Variants in MCRIP1 observed in about 807,000 individuals in gnomAD.
The protein encoded by MCRIP1 is MAPK regulated corepressor interacting protein 1.
MCRIP1 carries 10 observed loss-of-function variants against 14.4 expected under a neutral mutation model. The observed-to-expected ratio is 0.70, with a 90% CI of 0.43 to 1.18. The LOEUF (loss-of-function observed/expected upper bound fraction) is 1.18. Ranked by LOEUF, MCRIP1 falls within the 50% of genes most tolerant of loss-of-function variation. The pLI is 0.00. For synonymous variants in MCRIP1, 53 were observed against 55.7 expected, an observed-to-expected ratio of 0.95 and a Z score of 0.21; for missense variants, 119 against 135.4, an observed-to-expected ratio of 0.88 and a Z score of 0.60.
chr17:81,828,273 C>G (rs745834820), intron 1 of MCRIP1, among the ~76,000 whole-genome samples: 19 of 149,238 alleles, frequency 1.3e-4, no homozygotes, highest in Admixed American at 3.3e-4. Context: ...CCCCCCACCC[C>G]CCGACCCTGC....
chr17:81,832,834 C>G (rs953281952), intron 1 of MCRIP1, among the ~76,000 whole-genome samples: 1 of 152,208 alleles, frequency 6.6e-6, no homozygotes, highest in African/African-American at 2.4e-5. Flanking sequence ...CGCGGCGCTC[C>G]GAGAATCGGA....
chr17:81,825,620 A>C, intron 1 of MCRIP1: 1 of 1,289,330 alleles, frequency 7.8e-7, no homozygotes, highest in Non-Finnish European at 1.0e-6. Flanking sequence ...CAGCCCTCAA[A>C]CACCACGTGA....
chr17:81,825,068 G>A (rs2143213033), intron 1 of MCRIP1: 1 of 1,016,844 alleles, frequency 9.8e-7, no homozygotes, highest in Non-Finnish European at 1.2e-6. Context: ...CTTCCTAAAG[G>A]TGATCCCAGC....
intron 1 of MCRIP1, among the ~76,000 whole-genome samples, chr17:81,829,951 G>GT (rs1331436222): frequency 6.6e-5 from 10 of 152,224 alleles, no homozygotes; most frequent in Non-Finnish European, 1.2e-4. Flanking sequence ...GTCCCAACTT[G>GT]TTTTACCAGG....
chr17:81,822,782 CG>C lies in MCRIP1; in HGVS notation c.*464del. 1 of 214,356 alleles carries C rather than the reference CG, an allele frequency of 4.7e-6. No individual in the cohort carries two copies. The highest frequency in any genetic ancestry group is 9.4e-6 in the Non-Finnish European group (1 of 105,886). 13.3% of individuals were successfully genotyped at this position (214,356 alleles called of 1,614,324 possible). On this transcript the variant is annotated 3_prime_UTR_variant, in exon 5 of 5. Coordinates refer to ENST00000455127, the MANE Select transcript of MCRIP1 (RefSeq NM_207368.5). ...AGGCCACGGGAGCAGCAAGGGTCTG[CG>C]GGGAGCCCAGGCTGGATGGGGTGGG...
chr17:81,831,879 T>A (rs1156378691), intron 1 of MCRIP1, among the ~76,000 whole-genome samples: 1 of 152,052 alleles, frequency 6.6e-6, no homozygotes, highest in Non-Finnish European at 1.5e-5. Context: ...AGACTGGCCC[T>A]CCCTCCAGAT....
intron 1 of MCRIP1, chr17:81,825,580 T>G: frequency 3.1e-6 from 4 of 1,289,248 alleles, no homozygotes; most frequent in Non-Finnish European, 4.0e-6. Flanking sequence ...TCGAGTCCTC[T>G]CTGGCTCATT....
intron 1 of MCRIP1, among the ~76,000 whole-genome samples, chr17:81,832,033 C>G (rs983222605): frequency 1.3e-5 from 2 of 152,190 alleles, no homozygotes; most frequent in African/African-American, 4.8e-5. Flanking sequence ...CACACAGCCA[C>G]ATGCCTAAGA....
At chr17:81,827,860 A>T (rs2038441554) in intron 1 of MCRIP1, among the ~76,000 whole-genome samples, 1 of 141,578 alleles carries the variant, frequency 7.1e-6, no homozygotes, top group Non-Finnish European at 1.5e-5. Context: ...GGCTCACTGC[A>T]AGCTCCGCCT....
Position 81,824,384 on chromosome 17 carries a change from C to A in MCRIP1, c.30G>T (p.Val10=). The change falls in exon 3 of 5, where the codon GTG becomes GTT. Residue 10 remains valine (V), a synonymous_variant. Transcript: ENST00000455127. MTSSPVSRV[V]YNGKRTSSPR... Reference sequence around the variant, plus strand: ...GGCTGCTGGTCCTCTTGCCGTTGTACACGACTCTGGAGACGGGGGAGCTGG... The same window carrying A: ...GGCTGCTGGTCCTCTTGCCGTTGTAAACGACTCTGGAGACGGGGGAGCTGG... 6.5e-7 allele frequency: 1 copy of A among 1,535,926 alleles called. No individual in the cohort carries two copies. The highest frequency in any genetic ancestry group is 8.7e-7 in the Non-Finnish European group (1 of 1,146,360).
rs761790909 is a variant in MCRIP1, at chr17:81,823,563, G to A, written c.128-50C>T. 7.4e-5 allele frequency: 108 copies of A among 1,460,378 alleles called. No individual in the cohort carries two copies. In the African/African-American group the frequency reaches 9.2e-4, roughly 12 times the overall value. The allele number at this position is 1,460,378 out of a possible 1,614,324, so 90.5% of individuals were successfully genotyped here. On this transcript the variant is annotated intron_variant, in intron 3 of 4. Coordinates refer to ENST00000455127, the MANE Select transcript of MCRIP1 (RefSeq NM_207368.5). The surrounding 1 kb of genome is among the most constrained non-coding windows in gnomAD (Gnocchi z 6.0). Reference sequence around the variant, plus strand: ...TCAGGGCCCCCTGCCCCAGGGGGTGGCATCCACGTCACGAGAGTGCCTGCC... The same window carrying A: ...TCAGGGCCCCCTGCCCCAGGGGGTGACATCCACGTCACGAGAGTGCCTGCC...
intron 1 of MCRIP1, among the ~76,000 whole-genome samples, chr17:81,832,973 C>T (rs1189810098): frequency 6.6e-6 from 1 of 152,032 alleles, no homozygotes; most frequent in Non-Finnish European, 1.5e-5. Flanking sequence ...GCACCTGCCC[C>T]TGCCTGGGCG....
Position 81,825,088 on chromosome 17 carries a change from C to T in MCRIP1, c.-48-534G>A, listed in dbSNP as rs888554311. On this transcript the variant is annotated intron_variant, in intron 1 of 4. Coordinates refer to ENST00000455127, the MANE Select transcript of MCRIP1 (RefSeq NM_207368.5). ...TAAAGGTGATCCCAGCTCCCCGGCA[C>T]CTACCCAGGTCCAGCTTCCTGGTTC... 51 of 1,013,846 alleles carry T rather than the reference C, an allele frequency of 5.0e-5. No individual in the cohort carries two copies. The African/African-American group carries it at 8.5e-4, about 17-fold the overall frequency. The allele number at this position is 1,013,846 out of a possible 1,614,324, so 62.8% of individuals were successfully genotyped here.
In MCRIP1 at chr17:81,824,537, G is replaced by A. The variant is rs148964163; in HGVS notation, c.-31C>T. ...GGGCGTCTGATCCTAGCGCTCCACC[G>A]CCAGATCCCCTCAGCCTCTGAAACA... On this transcript the variant is annotated 5_prime_UTR_variant, in exon 2 of 5. Coordinates refer to ENST00000455127, the MANE Select transcript of MCRIP1 (RefSeq NM_207368.5). 3,100 of 1,535,934 alleles carry A rather than the reference G, an allele frequency of 2.0e-3. 5 individuals carry two copies. Among genetic ancestry groups the A allele is most frequent in the Non-Finnish European group, 2.4e-3 (2,808 of 1,146,736 alleles).
chr17:81,826,737 T>G lies in MCRIP1; in HGVS notation c.-48-2183A>C, dbSNP rs1210453059. 22 of 230,928 alleles carry G rather than the reference T, an allele frequency of 9.5e-5. No homozygotes were observed. In the Admixed American group the frequency reaches 1.2e-3, roughly 12 times the overall value. The allele number at this position is 230,928 out of a possible 1,614,324, so 14.3% of individuals were successfully genotyped here. On this transcript the variant is annotated intron_variant, in intron 1 of 4. Coordinates refer to ENST00000455127, the MANE Select transcript of MCRIP1 (RefSeq NM_207368.5). ...GGGAGGCTGAAACAGGAGAATCGCT[T>G]GAACCCGGGAGGTGGAGGTGCAGTG...
rs1041426166 is a variant in MCRIP1, at chr17:81,822,916, G to A, written c.*331C>T. 2 of 496,412 alleles carry A rather than the reference G, an allele frequency of 4.0e-6. No individual in the cohort carries two copies. Among genetic ancestry groups the A allele is most frequent in the Non-Finnish European group, 7.3e-6 (2 of 274,380 alleles). The allele number at this position is 496,412 out of a possible 1,614,324, so 30.8% of individuals were successfully genotyped here. On this transcript the variant is annotated 3_prime_UTR_variant, in exon 5 of 5. Coordinates refer to ENST00000455127, the MANE Select transcript of MCRIP1 (RefSeq NM_207368.5). The stretch of plus-strand genomic sequence containing the variant: ...CTTCTCCCCTCCTGATCCTGCAGTG[G>A]CCAGGGGCAGGAGGGTGAGGGGAGA...
intron 1 of MCRIP1, among the ~76,000 whole-genome samples, chr17:81,831,231 T>A (rs909962341): frequency 6.7e-5 from 10 of 149,234 alleles, no homozygotes; most frequent in African/African-American, 2.5e-4. Flanking sequence ...TTCCAGCTTC[T>A]CAGGAGTCTG....
intron 1 of MCRIP1, chr17:81,825,773 T>G (rs1175551073): frequency 7.8e-7 from 1 of 1,289,256 alleles, no homozygotes; most frequent in African/African-American, 1.5e-5. Flanking sequence ...CCCAGTTTGC[T>G]CACAAAGTCA....
intron 1 of MCRIP1, among the ~76,000 whole-genome samples, chr17:81,828,608 TCC>T (rs2038458896): frequency 6.6e-6 from 1 of 151,866 alleles, no homozygotes; most frequent in South Asian, 2.1e-4. Flanking sequence ...CCTGGCCTAT[TCC>T]CATAAGGGAA....
Sources: gnomAD v4.1 joint callset for allele counts (sites outside exome capture counted in the v4.1 genomes callset) on GRCh38, gnomAD v4.1.1 for gene constraint, Gnocchi (gnomAD v3.1) non-coding constraint, MANE v1.5 for transcripts, NCBI Gene and HGNC (gene_info 2026-07-23, HGNC 2026-07-21) for gene names.